Variants in KCNG3 observed in about 807,000 individuals in gnomAD.
KCNG3 encodes the protein voltage-gated potassium channel regulatory subunit KCNG3.
A neutral mutation model predicts 29.0 loss-of-function variants in KCNG3; 15 were observed. The observed-to-expected ratio is 0.52, with a 90% confidence interval of 0.35 to 0.80. KCNG3 has a LOEUF of 0.80. Among genes scored for constraint, KCNG3 ranks in the 30% least tolerant of loss-of-function variants. The pLI, the probability that KCNG3 is intolerant of heterozygous loss-of-function variation, is 0.01. For synonymous variants in KCNG3, 322 were observed against 248.9 expected, an observed-to-expected ratio of 1.29 and a Z score of -2.76; for missense variants, 512 against 605.7, an observed-to-expected ratio of 0.85 and a Z score of 1.62.
intron 1 of KCNG3, among the ~76,000 whole-genome samples, chr2:42,458,105 T>C (rs1672923914): frequency 6.6e-6 from 1 of 152,164 alleles, no homozygotes; most frequent in Non-Finnish European, 1.5e-5. Context: ...CTTGATACTA[T>C]TTTGTTTCCT....
chr2:42,482,152 GT>G (rs1305518121), intron 1 of KCNG3, among the ~76,000 whole-genome samples: 4 of 152,308 alleles, frequency 2.6e-5, no homozygotes, highest in Non-Finnish European at 5.9e-5. Context: ...CAAGGACTTT[GT>G]TTTATTCACT....
chr2:42,457,033 A>G (rs1034795911), intron 1 of KCNG3, among the ~76,000 whole-genome samples: 17 of 152,128 alleles, frequency 1.1e-4, no homozygotes, highest in African/African-American at 4.1e-4. Flanking sequence ...TTATCTTCCA[A>G]CCTAGATCAA....
chr2:42,410,895 A>G, the KCNG3 span, among the ~76,000 whole-genome samples: 1 of 152,266 alleles, frequency 6.6e-6, no homozygotes, highest in East Asian at 1.9e-4. Context: ...GAATTCTCCT[A>G]TGTTTCCTTC....
the KCNG3 span, among the ~76,000 whole-genome samples, chr2:42,431,517 T>C: frequency 5.3e-5 from 8 of 152,332 alleles, no homozygotes; most frequent in South Asian, 1.7e-3. Flanking sequence ...GAACTGTAAG[T>C]ATTCACTCAA....
intron 1 of KCNG3, among the ~76,000 whole-genome samples, chr2:42,468,737 G>T (rs1673205845): frequency 6.6e-6 from 1 of 151,736 alleles, no homozygotes; most frequent in Admixed American, 6.6e-5. Context: ...AGTGGATCAC[G>T]AAGTCAGGAG....
intron 1 of KCNG3, among the ~76,000 whole-genome samples, chr2:42,474,806 C>T (rs778488057): frequency 2.0e-5 from 3 of 152,078 alleles, no homozygotes; most frequent in Non-Finnish European, 4.4e-5. Flanking sequence ...AAGAAAATTA[C>T]ATATGGACAA....
At chr2:42,409,726 A>T in the KCNG3 span, among the ~76,000 whole-genome samples, 1 of 74,338 alleles carries the variant, frequency 1.3e-5, no homozygotes, top group African/African-American at 4.4e-5. Context: ...AAAAAAAAAA[A>T]AAATTTTTTT....
Position 42,442,492 on chromosome 2 carries a change from G to A in KCNG3, c.*1442C>T, listed in dbSNP as rs1186961470. 6.6e-6 allele frequency: 1 copy of A among 152,132 alleles called. No individual in the cohort carries two copies. Among genetic ancestry groups the A allele is most frequent in the African/African-American group, 2.4e-5 (1 of 41,422 alleles). The allele number at this position is 152,132 out of a possible 1,614,324, so 9.4% of individuals were successfully genotyped here. A position where few individuals can be genotyped will look rare whatever the true frequency, so the allele number is the denominator to read the frequency against. On this transcript the variant is annotated 3_prime_UTR_variant, in exon 2 of 2. Coordinates refer to ENST00000306078, the MANE Select transcript of KCNG3 (RefSeq NM_133329.6). Reference sequence around the variant, plus strand: ...GTAATAGTTGAGGTTTGAACTAGATGATGGCTAAAATTCCTTTAATGAACA... The same window carrying A: ...GTAATAGTTGAGGTTTGAACTAGATAATGGCTAAAATTCCTTTAATGAACA...
the KCNG3 span, among the ~76,000 whole-genome samples, chr2:42,430,361 TAAAA>T: frequency 8.3e-6 from 1 of 120,902 alleles, no homozygotes; most frequent in African/African-American, 3.1e-5. Context: ...CAGACTGTCT[TAAAA>T]ATAAATAAAT....
chr2:42,452,243 A>ATATATTTT, intron 1 of KCNG3, among the ~76,000 whole-genome samples: 7 of 95,042 alleles, frequency 7.4e-5, no homozygotes, highest in East Asian at 4.6e-4. Flanking sequence ...ATATATATAT[A>ATATATTTT]TTTTTTTTTT....
intron 1 of KCNG3, among the ~76,000 whole-genome samples, chr2:42,461,392 C>G (rs1673014559): frequency 6.6e-6 from 1 of 151,978 alleles, no homozygotes; most frequent in Admixed American, 6.6e-5. Flanking sequence ...GAGTCAGAAA[C>G]TCTCAAGATT....
At chr2:42,413,817 T>C in the KCNG3 span, 1 of 152,202 alleles carries the variant, frequency 6.6e-6, no homozygotes, top group Non-Finnish European at 1.5e-5. Context: ...GAACTCACTA[T>C]TGCGAAAACA....
chr2:42,489,055 G>A (rs548658141), intron 1 of KCNG3, among the ~76,000 whole-genome samples: 4 of 151,824 alleles, frequency 2.6e-5, no homozygotes, highest in Non-Finnish European at 5.9e-5. Context: ...AATACTTTGG[G>A]AGGCCAAGGT....
chr2:42,429,128 A>C, the KCNG3 span, among the ~76,000 whole-genome samples: 2 of 150,578 alleles, frequency 1.3e-5, no homozygotes, highest in African/African-American at 4.9e-5. Flanking sequence ...CAAAAACAAA[A>C]AAACAAAAAC....
In KCNG3 at chr2:42,447,398, A is replaced by C. The variant is rs1436830534; in HGVS notation, c.666-2819T>G. Among the ~76,000 whole-genome samples, 3 of 152,306 alleles carry C rather than the reference A, an allele frequency of 2.0e-5. No individual in the cohort carries two copies. In the South Asian group the frequency reaches 6.2e-4, roughly 32 times the overall value. ...GTTAATATATCTTGGAGGTCATTCC[A>C]AATCAGTAAATAGAGAGCTCCCTCA... On this transcript the variant is annotated intron_variant, in intron 1 of 1. Transcript: ENST00000306078.
intron 1 of KCNG3, among the ~76,000 whole-genome samples, chr2:42,458,802 GA>G (rs56077997): frequency 1.3e-5 from 2 of 148,534 alleles, no homozygotes; most frequent in African/African-American, 2.5e-5. Flanking sequence ...ACTTAAAAAA[GA>G]AAAAAAAAAG....
At chr2:42,425,822 G>A in the KCNG3 span, among the ~76,000 whole-genome samples, 1 of 152,194 alleles carries the variant, frequency 6.6e-6, no homozygotes, top group Non-Finnish European at 1.5e-5. Flanking sequence ...GTCACAGCCA[G>A]GAGACACCTT....
chr2:42,416,652 C>G, the KCNG3 span, among the ~76,000 whole-genome samples: 1 of 151,270 alleles, frequency 6.6e-6, no homozygotes, highest in Non-Finnish European at 1.5e-5. Context: ...ACCATCTCTA[C>G]TAAAAATACA....
Position 42,493,540 on chromosome 2 carries a change from C to G in KCNG3, c.-39G>C. ...GGGGACTTTCGGCCCGAGGGCCCCGCTGCAGCCCCCCACCCCAAGCCGCCA... is the reference window on the plus strand; with the variant it reads ...GGGGACTTTCGGCCCGAGGGCCCCGGTGCAGCCCCCCACCCCAAGCCGCCA... On this transcript the variant is annotated 5_prime_UTR_variant, in exon 1 of 2. Transcript: ENST00000306078. 1 of 1,329,556 alleles carries G rather than the reference C, an allele frequency of 7.5e-7. No individual in the cohort carries two copies. The highest frequency in any genetic ancestry group is 9.5e-7 in the Non-Finnish European group (1 of 1,047,162). The allele number at this position is 1,329,556 out of a possible 1,614,324, so 82.4% of individuals were successfully genotyped here.
Sources: allele counts gnomAD v4.1 joint callset (sites outside exome capture counted in the v4.1 genomes callset), GRCh38; gene constraint gnomAD v4.1.1; transcripts MANE v1.5; gene names NCBI Gene and HGNC (gene_info 2026-07-23, HGNC 2026-07-21).